The following DCST1 variants were observed in gnomAD, a reference collection of about 807,000 sequenced individuals.
The protein encoded by DCST1 is E3 ubiquitin-protein ligase DCST1.
In DCST1, 78 loss-of-function variants were observed where a neutral mutation model predicts 89.1. That is an observed-to-expected ratio of 0.88 (90% CI 0.73 to 1.06). DCST1 has a LOEUF of 1.06. Among genes scored for constraint, DCST1 ranks in the 50% least tolerant of loss-of-function variants. The pLI, the probability that DCST1 is intolerant of heterozygous loss-of-function variation, is 0.00. For synonymous variants in DCST1, 364 were observed against 371.9 expected (o/e 0.98, Z 0.24); for missense variants, 900 against 928.6 (o/e 0.97, Z 0.40).
At position 155,041,771 on chromosome 1, in the gene DCST1, AG is replaced by A; in HGVS notation, c.807del (p.Gln269HisfsTer3). On this transcript the variant is annotated frameshift_variant, in exon 8 of 17. Coordinates refer to ENST00000295542, the MANE Select transcript of DCST1 (RefSeq NM_152494.4). LOFTEE classifies it high-confidence loss of function. ...CRRWFDRKHEQCMKHIWVPLL... is the reference protein window; with the variant it reads ...CRRWFDRKHEXCMKHIWVPLL... ...CGTTGGTTTGACCGCAAGCATGAACAGTGCATGAAGCACATCTGGGTCCCAC... is the reference window on the plus strand; with the variant it reads ...CGTTGGTTTGACCGCAAGCATGAACATGCATGAAGCACATCTGGGTCCCAC... The A allele has an allele frequency of 6.2e-7, 1 of 1,614,242 alleles. No homozygotes were observed.
intron 1 of DCST1, 24 bp from the exon 2 acceptor site, chr1:155,033,948 G>T: frequency 2.6e-6 from 4 of 1,528,838 alleles, no homozygotes; most frequent in Non-Finnish European, 3.6e-6. Flanking sequence ...GAAGAGACAG[G>T]CAGCACCTCT....
rs1660496337 is a variant in DCST1, at chr1:155,043,412, GTGCGGGAC to G, written c.1077_1084del (p.Asp361ValfsTer37). ...AAGCTGGGAGCGCGTGAGCACCGAG[GTGCGGGAC>G]TACGTGTACCGCCAGGAGGCCCGGC... is the stretch of plus-strand genomic sequence containing the variant. On this transcript the variant is annotated frameshift_variant, in exon 10 of 17. Coordinates refer to ENST00000295542, the MANE Select transcript of DCST1 (RefSeq NM_152494.4). LOFTEE classifies it high-confidence loss of function. The G allele has an allele frequency of 6.2e-7, 1 of 1,611,650 alleles. No individual in the cohort carries two copies. Among genetic ancestry groups the G allele is most frequent in the Non-Finnish European group, 8.5e-7 (1 of 1,178,388 alleles).
chr1:155,042,634 A>G (rs1660469877), intron 8 of DCST1, 101 bp from the exon 9 acceptor site: 1 of 1,538,558 alleles, frequency 6.5e-7, no homozygotes, highest in African/African-American at 1.4e-5. Context: ...GCAGAGAGAC[A>G]AAAAAGCAGG....
chr1:155,039,590 A>G (rs1660373931), intron 5 of DCST1, 59 bp downstream of exon 5: 4 of 1,472,042 alleles, frequency 2.7e-6, no homozygotes, highest in South Asian at 2.9e-5. Context: ...GGGTCATCCA[A>G]TGGGAGCCAG....
Position 155,045,958 on chromosome 1 carries a change from A to C in DCST1, c.1238A>C (p.Tyr413Ser). The C allele has an allele frequency of 6.2e-7, 1 of 1,614,230 alleles. No homozygotes were observed. Among genetic ancestry groups the C allele is most frequent in the Non-Finnish European group, 8.5e-7 (1 of 1,180,044 alleles). ...TTTGACAACATCTACATCAGTACCTACTTCTGCCAGATCGATGACCGCAGG... is the reference window on the plus strand; with the variant it reads ...TTTGACAACATCTACATCAGTACCTCCTTCTGCCAGATCGATGACCGCAGG... ...IRFDNIYISTYFCQIDDRRKK... is the reference protein window; with the variant it reads ...IRFDNIYISTSFCQIDDRRKK... The change falls in exon 11 of 17, where the codon TAC becomes TCC. Residue 413 changes from tyrosine (Y) to serine (S), a missense_variant. Transcript: ENST00000295542.
chr1:155,035,493 C>T (rs574889568), intron 4 of DCST1, among the ~76,000 whole-genome samples: 2 of 152,252 alleles, frequency 1.3e-5, no homozygotes, highest in Non-Finnish European at 2.9e-5. Context: ...TCAGTAGCTT[C>T]GAGAAGGACT....
chr1:155,035,451 C>T (rs538364864), intron 4 of DCST1, among the ~76,000 whole-genome samples: 2 of 152,222 alleles, frequency 1.3e-5, no homozygotes, highest in South Asian at 2.1e-4. Context: ...TGTAAGCCAC[C>T]GTGCCCAGCC....
At position 155,039,486 on chromosome 1, in the gene DCST1, G is replaced by A. The variant is rs1295542424; in HGVS notation, c.346G>A (p.Gly116Ser). ...AGTACCCAAGATGCTGGGCAAGGAA[G>A]GCAGGCTCTTTGTCCTGGGATACGC... ...LLVPKMLGKE[G>S]RLFVLGYALA... The change falls in exon 5 of 17, where the codon GGC becomes AGC. Residue 116 changes from glycine (G) to serine (S), a missense_variant. Physicochemically the swap from Gly to Ser is moderately conservative, Grantham distance 56. Transcript: ENST00000295542. 2 of 1,602,148 alleles carry A rather than the reference G, an allele frequency of 1.2e-6. No individual in the cohort carries two copies. The highest frequency in any genetic ancestry group is 1.7e-6 in the Non-Finnish European group (2 of 1,174,034).
rs1271033504 is a variant in DCST1, at chr1:155,050,692, T to C, written c.1945T>C (p.Cys649Arg). ...CTGGCTGTGCCGGCGCTGCGTGGTG[T>C]GCCAGGCACCCGAGACGCCCGAGTC... ...RRWLCRRCVV[C>R]QAPETPESYV... The change falls in exon 17 of 17, where the codon TGC becomes CGC. Residue 649 changes from cysteine to arginine, a missense_variant. Transcript: ENST00000295542. 6.2e-7 allele frequency: 1 copy of C among 1,605,288 alleles called. No individual in the cohort carries two copies. Among genetic ancestry groups the C allele is most frequent in the Non-Finnish European group, 8.5e-7 (1 of 1,177,166 alleles).
chr1:155,037,131 G>A (rs1242259340), intron 4 of DCST1, among the ~76,000 whole-genome samples: 1 of 152,188 alleles, frequency 6.6e-6, no homozygotes, highest in African/African-American at 2.4e-5. Context: ...CTCCATGCTT[G>A]TGTGCCAACA....
chr1:155,050,626 C>G lies in DCST1; in HGVS notation c.1879C>G (p.Leu627Val). The G allele has an allele frequency of 6.3e-7, 1 of 1,582,414 alleles. No individual in the cohort carries two copies. Residue 627 changes from leucine to valine, a missense_variant, in exon 17 of 17, where the codon CTG (leucine) becomes GTG (valine). Leu to Val is a conservative substitution (Grantham distance 32). Coordinates refer to ENST00000295542, the MANE Select transcript of DCST1 (RefSeq NM_152494.4). Reference protein sequence around the residue: ...ERQQKAPRHPLADILHRGCPL... With the variant: ...ERQQKAPRHPVADILHRGCPL... ...GCCCACCTCCCAACAGCGCCACCCG[C>G]TGGCGGATATCCTGCACCGCGGCTG...
rs747657436 is a variant in DCST1 at position 155,034,027 on chromosome 1, A to G, written c.-10A>G. On this transcript the variant is annotated 5_prime_UTR_variant, in exon 2 of 17. Transcript: ENST00000295542. ...ACCTGGGATGAGTGGTGCTTCCCCA[A>G]AACAGACTCATGGACATTAAACATC... 6.8e-6 allele frequency: 11 copies of G among 1,614,124 alleles called. No homozygotes were observed. The East Asian group carries it at 2.2e-4, about 33-fold the overall frequency.
At position 155,038,216 on chromosome 1, in the gene DCST1, C is replaced by T. The variant is rs144476008; in HGVS notation, c.263-1187C>T. On this transcript the variant is annotated intron_variant, in intron 4 of 16. Transcript: ENST00000295542. ...GCTTGGCTTGTCCAAGGAGCAGCAA[C>T]GAGGTCTGTGTGGGTAGACATGGTG... 3.3e-3 allele frequency among the ~76,000 whole-genome samples: 499 copies of T among 152,330 alleles called. 1 individual carries two copies. The highest frequency in any genetic ancestry group is 5.3e-3 in the Non-Finnish European group (360 of 68,026).
At chr1:155,047,450 G>C (rs1009557513) in intron 14 of DCST1, 138 bp downstream of exon 14, 4 of 774,166 alleles carry the variant, frequency 5.2e-6, no homozygotes. Flanking sequence ...TGGGGAAATC[G>C]GAGCAGGGAA....
chr1:155,049,145 T>C, intron 16 of DCST1: 1 of 706,880 alleles, frequency 1.4e-6, no homozygotes, highest in Middle Eastern at 2.3e-4. Context: ...CCTTCCCTCA[T>C]TACTATGACA....
chr1:155,038,230 G>T (rs1019218971), intron 4 of DCST1, among the ~76,000 whole-genome samples: 1 of 152,252 alleles, frequency 6.6e-6, no homozygotes, highest in Non-Finnish European at 1.5e-5. Context: ...GTCTGTGTGG[G>T]TAGACATGGT....
At chr1:155,045,033 G>C (rs1660570893) in intron 10 of DCST1, among the ~76,000 whole-genome samples, 2 of 152,218 alleles carry the variant, frequency 1.3e-5, no homozygotes, top group South Asian at 4.1e-4. Context: ...AAGGACAGCT[G>C]GCGGGAGGGC....
chr1:155,047,869 C>A lies in DCST1; in HGVS notation c.1695C>A (p.Cys565Ter). Residue 565 changes from cysteine (C) to a stop codon, truncating the protein, a stop_gained, in exon 15 of 17, where the codon TGC (cysteine) becomes TGA (stop). Coordinates refer to ENST00000295542, the MANE Select transcript of DCST1 (RefSeq NM_152494.4). LOFTEE classifies it high-confidence loss of function. ...CGATTGGCCTGTTAGTGTGTCTCTGCCTGTTACAGGCTTTTGGCTACCGAC... is the reference window on the plus strand; with the variant it reads ...CGATTGGCCTGTTAGTGTGTCTCTGACTGTTACAGGCTTTTGGCTACCGAC... The part of the protein sequence containing the change: ...AVPIGLLVCL[C>*]LLQAFGYRLR... 6.2e-7 allele frequency: 1 copy of A among 1,614,198 alleles called. No individual in the cohort carries two copies. Among genetic ancestry groups the A allele is most frequent in the Non-Finnish European group, 8.5e-7 (1 of 1,180,044 alleles).
At position 155,041,391 on chromosome 1, in the gene DCST1, TC is replaced by T; in HGVS notation, c.532-3del. The T allele has an allele frequency of 1.2e-6, 2 of 1,613,352 alleles. No individual in the cohort carries two copies. The highest frequency in any genetic ancestry group is 2.2e-5 in the South Asian group (2 of 91,074). On this transcript the variant is annotated splice_polypyrimidine_tract_variant and splice_region_variant and intron_variant, in intron 6 of 16. Coordinates refer to ENST00000295542, the MANE Select transcript of DCST1 (RefSeq NM_152494.4). Reference sequence around the variant, plus strand: ...CACCCTTTCCTCCCTCCACCTCCAATCCCAGAGTAGCAAAGAATTGCTGAGA... The same window carrying T: ...CACCCTTTCCTCCCTCCACCTCCAATCCAGAGTAGCAAAGAATTGCTGAGA...
Sources: allele counts gnomAD v4.1 joint callset (sites outside exome capture counted in the v4.1 genomes callset), GRCh38; gene constraint gnomAD v4.1.1; transcripts MANE v1.5; gene names NCBI Gene and HGNC (gene_info 2026-07-23, HGNC 2026-07-21).